The following CCDC177 variants were observed in gnomAD, a reference collection of about 807,000 sequenced individuals.
CCDC177 encodes coiled-coil domain containing 177.
A neutral mutation model predicts 7.3 loss-of-function variants in CCDC177; 2 were observed. The ratio of observed to expected loss-of-function variants is 0.28; its 90% CI spans 0.11 to 0.87. CCDC177 has a LOEUF of 0.87. CCDC177 is among the 40% of genes least tolerant of loss of function. CCDC177 has a pLI of 0.61. For missense variants in CCDC177, 874 were observed against 970.5 expected (o/e 0.90, Z 1.32); for synonymous variants, 401 against 449.2 (o/e 0.89, Z 1.36).
chr14:69,572,531 GC>G lies in CCDC177; in HGVS notation c.1091del (p.Gly364AlafsTer25). The G allele has an allele frequency of 8.1e-7, 1 of 1,231,060 alleles. No homozygotes were observed. Among genetic ancestry groups the G allele is most frequent in the Non-Finnish European group, 1.0e-6 (1 of 987,492 alleles). 76.3% of individuals were successfully genotyped at this position (1,231,060 alleles called of 1,614,324 possible). On this transcript the variant is annotated frameshift_variant, in exon 2 of 2. Coordinates refer to ENST00000599174, the MANE Select transcript of CCDC177 (RefSeq NM_001271507.2). LOFTEE classifies it low-confidence loss of function (END_TRUNC). Reference sequence around the variant, plus strand: ...CGTGCACGCGCTGCAGCTCCCACTGGCCGTGGGCAGCCGCGCGTTGCTCCAG... The same window carrying G: ...CGTGCACGCGCTGCAGCTCCCACTGGCGTGGGCAGCCGCGCGTTGCTCCAG... ...LLLEQRAAAH[G>X]QWELQRVHAK...
Position 69,572,263 on chromosome 14 carries a change from T to C in CCDC177, c.1360A>G (p.Lys454Glu). 1 of 1,229,024 alleles carries C rather than the reference T, an allele frequency of 8.1e-7. No homozygotes were observed. The highest frequency in any genetic ancestry group is 3.1e-4 in the Middle Eastern group (1 of 3,198). 76.1% of individuals were successfully genotyped at this position (1,229,024 alleles called of 1,614,324 possible). A position where few individuals can be genotyped will look rare whatever the true frequency, so the allele number is the denominator to read the frequency against. Reference sequence around the variant, plus strand: ...TTCAGGTTCTGCTCCTGCTGAAGCTTGCGCAGCCGATCCTCCCGGGCCGCG... The same window carrying C: ...TTCAGGTTCTGCTCCTGCTGAAGCTCGCGCAGCCGATCCTCCCGGGCCGCG... ...ERAAREDRLR[K>E]LQQEQNLKQR... is the part of the protein sequence containing the mutation. Residue 454 changes from lysine (K) to glutamate (E), a missense_variant, in exon 2 of 2, where the codon AAG becomes GAG. Transcript: ENST00000599174.
chr14:69,572,280 C>A lies in CCDC177; in HGVS notation c.1343G>T (p.Arg448Leu). The A allele has an allele frequency of 8.1e-7, 1 of 1,228,408 alleles. No individual in the cohort carries two copies. Among genetic ancestry groups the A allele is most frequent in the Admixed American group, 4.2e-5 (1 of 23,534 alleles). 76.1% of individuals were successfully genotyped at this position (1,228,408 alleles called of 1,614,324 possible). ...LRRERAERAA[R>L]EDRLRKLQQE... is the part of the protein sequence containing the mutation. ...CTGAAGCTTGCGCAGCCGATCCTCC[C>A]GGGCCGCGCGCTCCGCCCGCTCCCG... Residue 448 changes from arginine to leucine, a missense_variant, in exon 2 of 2, where the codon CGG (arginine) becomes CTG (leucine). Arg to Leu is a moderately radical substitution (Grantham distance 102). Transcript: ENST00000599174.
rs1884356289 is a variant in CCDC177 at position 69,572,718 on chromosome 14, C to G, written c.905G>C (p.Ser302Thr). The G allele has an allele frequency of 8.1e-7, 1 of 1,231,538 alleles. No individual in the cohort carries two copies. Among genetic ancestry groups the G allele is most frequent in the Non-Finnish European group, 1.0e-6 (1 of 987,816 alleles). 76.3% of individuals were successfully genotyped at this position (1,231,538 alleles called of 1,614,324 possible). Residue 302 changes from serine (S) to threonine (T), a missense_variant, in exon 2 of 2, where the codon AGC (serine) becomes ACC (threonine). Coordinates refer to ENST00000599174, the MANE Select transcript of CCDC177 (RefSeq NM_001271507.2). The stretch of plus-strand genomic sequence containing the variant: ...ATGGCTCAGGTCGCCGAGGCTGAAG[C>G]TGCGGCCGGTGATCGGAACCAGGGT... ...ALTLVPITGR[S>T]FSLGDLSHSP...
In CCDC177 at chr14:69,573,282, G is replaced by T; in HGVS notation, c.341C>A (p.Ala114Asp). 8.1e-7 allele frequency: 1 copy of T among 1,231,518 alleles called. No individual in the cohort carries two copies. Among genetic ancestry groups the T allele is most frequent in the South Asian group, 4.1e-5 (1 of 24,326 alleles). The allele number at this position is 1,231,518 out of a possible 1,614,324, so 76.3% of individuals were successfully genotyped here. A position where few individuals can be genotyped will look rare whatever the true frequency, so the allele number is the denominator to read the frequency against. ...AGCCTCTCGCACCAGGTCGGCCAGG[G>T]CCCGTGGCAGCAGCTCCACCGGCTT... ...AVKPVELLPR[A>D]LADLVREAPG... is the part of the protein sequence containing the mutation. Residue 114 changes from alanine (A) to aspartate (D), a missense_variant, in exon 2 of 2, where the codon GCC (alanine) becomes GAC (aspartate). Coordinates refer to ENST00000599174, the MANE Select transcript of CCDC177 (RefSeq NM_001271507.2).
Position 69,572,574 on chromosome 14 carries a change from T to C in CCDC177, c.1049A>G (p.Gln350Arg). ...KIAALMLARH[Q>R]EELLLLEQRA... ...TTGCTCCAGCAGCAGGAGCTCCTCC[T>C]GGTGCCGCGCCAGCATGAGCGCCGC... Residue 350 changes from glutamine (Q) to arginine (R), a missense_variant, in exon 2 of 2, where the codon CAG becomes CGG. Transcript: ENST00000599174. 2.4e-6 allele frequency: 3 copies of C among 1,231,154 alleles called. No homozygotes were observed. The highest frequency in any genetic ancestry group is 3.0e-6 in the Non-Finnish European group (3 of 987,540). 76.3% of individuals were successfully genotyped at this position (1,231,154 alleles called of 1,614,324 possible).
Position 69,571,436 on chromosome 14 carries a change from G to A in CCDC177, c.*63C>T. On this transcript the variant is annotated 3_prime_UTR_variant, in exon 2 of 2. Transcript: ENST00000599174. ...GCACCGAGCGGGGACTCCCACGATGGTCAGTGGTTGAGGGAGGCCCCAGGG... is the reference window on the plus strand; with the variant it reads ...GCACCGAGCGGGGACTCCCACGATGATCAGTGGTTGAGGGAGGCCCCAGGG... 8.6e-7 allele frequency: 1 copy of A among 1,156,112 alleles called. No individual in the cohort carries two copies. Among genetic ancestry groups the A allele is most frequent in the Non-Finnish European group, 1.1e-6 (1 of 906,292 alleles). The allele number at this position is 1,156,112 out of a possible 1,614,324, so 71.6% of individuals were successfully genotyped here. A position where few individuals can be genotyped will look rare whatever the true frequency, so the allele number is the denominator to read the frequency against.
chr14:69,572,321 G>A lies in CCDC177; in HGVS notation c.1302C>T (p.Arg434=). ...CCCGCTCCCGCCGCAGGAGGCCCTG[G>A]CGTTCGGCCAGCTCCCGCCGCCGCT... is the stretch of plus-strand genomic sequence containing the variant. ...SEERRRELAE[R]QGLLRRERAE... is the part of the protein sequence containing the mutation. The change falls in exon 2 of 2, where the codon CGC becomes CGT. Residue 434 remains arginine (R), a synonymous_variant. Transcript: ENST00000599174. 2.4e-6 allele frequency: 3 copies of A among 1,226,712 alleles called. No individual in the cohort carries two copies. The highest frequency in any genetic ancestry group is 3.0e-6 in the Non-Finnish European group (3 of 984,928). The allele number at this position is 1,226,712 out of a possible 1,614,324, so 76.0% of individuals were successfully genotyped here.
At position 69,572,203 on chromosome 14, in the gene CCDC177, G is replaced by A. The variant is rs991085103; in HGVS notation, c.1420C>T (p.Arg474Trp). The part of the protein sequence containing the change: ...REEGLQEGRE[R>W]AEQIRRERAQ... Reference sequence around the variant, plus strand: ...CGCTCCCTGCGGATCTGCTCAGCCCGCTCCCGCCCTTCCTGTAGACCTTCC... The same window carrying A: ...CGCTCCCTGCGGATCTGCTCAGCCCACTCCCGCCCTTCCTGTAGACCTTCC... Residue 474 changes from arginine to tryptophan, a missense_variant, in exon 2 of 2, where the codon CGG becomes TGG. Arg to Trp is a moderately radical substitution (Grantham distance 101). Coordinates refer to ENST00000599174, the MANE Select transcript of CCDC177 (RefSeq NM_001271507.2). The A allele has an allele frequency of 4.1e-6, 5 of 1,229,696 alleles. No individual in the cohort carries two copies. Among genetic ancestry groups the A allele is most frequent in the Non-Finnish European group, 5.1e-6 (5 of 986,766 alleles). The allele number at this position is 1,229,696 out of a possible 1,614,324, so 76.2% of individuals were successfully genotyped here. A position where few individuals can be genotyped will look rare whatever the true frequency, so the allele number is the denominator to read the frequency against.
rs1884302023 is a variant in CCDC177 at position 69,570,604 on chromosome 14, C to A, written c.*895G>T. ...GCAGGGCTGGAGATTTAGGCAGGAACAGCCTGGGCAGGCACGTAAGGTAGC... is the reference window on the plus strand; with the variant it reads ...GCAGGGCTGGAGATTTAGGCAGGAAAAGCCTGGGCAGGCACGTAAGGTAGC... On this transcript the variant is annotated 3_prime_UTR_variant, in exon 2 of 2. Coordinates refer to ENST00000599174, the MANE Select transcript of CCDC177 (RefSeq NM_001271507.2). The A allele has an allele frequency of 2.8e-6, 1 of 358,310 alleles. No homozygotes were observed. The allele number at this position is 358,310 out of a possible 1,614,324, so 22.2% of individuals were successfully genotyped here. A position where few individuals can be genotyped will look rare whatever the true frequency, so the allele number is the denominator to read the frequency against.
Position 69,573,365 on chromosome 14 carries a change from G to A in CCDC177, c.258C>T (p.Gly86=), listed in dbSNP as rs1884375392. ...LFNFDCPEAE[G]SRYVLTSPRS... ...GGGGGCTGGTCAGCACGTAGCGGCTGCCCTCCGCCTCTGGGCAGTCGAAGT... is the reference window on the plus strand; with the variant it reads ...GGGGGCTGGTCAGCACGTAGCGGCTACCCTCCGCCTCTGGGCAGTCGAAGT... The change falls in exon 2 of 2, where the codon GGC becomes GGT. Residue 86 remains glycine, a synonymous_variant. Transcript: ENST00000599174. The A allele has an allele frequency of 4.1e-6, 5 of 1,231,372 alleles. No homozygotes were observed. Among genetic ancestry groups the A allele is most frequent in the Non-Finnish European group, 5.1e-6 (5 of 987,712 alleles). 76.3% of individuals were successfully genotyped at this position (1,231,372 alleles called of 1,614,324 possible).
chr14:69,572,723 G>A lies in CCDC177; in HGVS notation c.900C>T (p.Gly300=), dbSNP rs548978631. 6.4e-5 allele frequency: 79 copies of A among 1,231,538 alleles called. 2 individuals are homozygous for A. In the East Asian group the frequency reaches 1.1e-3, roughly 18 times the overall value. 76.3% of individuals were successfully genotyped at this position (1,231,538 alleles called of 1,614,324 possible). ...PSALTLVPIT[G]RSFSLGDLSH... is the part of the protein sequence containing the mutation. ...TCAGGTCGCCGAGGCTGAAGCTGCG[G>A]CCGGTGATCGGAACCAGGGTCAGGG... Residue 300 remains glycine, a synonymous_variant, in exon 2 of 2, where the codon GGC becomes GGT. Coordinates refer to ENST00000599174, the MANE Select transcript of CCDC177 (RefSeq NM_001271507.2).
In CCDC177 at chr14:69,572,609, G is replaced by C; in HGVS notation, c.1014C>G (p.Asp338Glu). Residue 338 changes from aspartate (D) to glutamate (E), a missense_variant, in exon 2 of 2, where the codon GAC becomes GAG. By Grantham distance (45) the Asp-to-Glu change is conservative (BLOSUM62 2). Coordinates refer to ENST00000599174, the MANE Select transcript of CCDC177 (RefSeq NM_001271507.2). ...CCAGCATGAGCGCCGCGATCTTCCG[G>C]TCACGCTCCGGCACCCCGCGCAGGC... ...ERGLRGVPER[D>E]RKIAALMLAR... 1 of 1,231,264 alleles carries C rather than the reference G, an allele frequency of 8.1e-7. No homozygotes were observed. The highest frequency in any genetic ancestry group is 1.0e-6 in the Non-Finnish European group (1 of 987,608). 76.3% of individuals were successfully genotyped at this position (1,231,264 alleles called of 1,614,324 possible). A position where few individuals can be genotyped will look rare whatever the true frequency, so the allele number is the denominator to read the frequency against.
intron 1 of CCDC177, 80 bp from the exon 2 acceptor site, chr14:69,573,730 A>C: frequency 8.6e-7 from 1 of 1,166,664 alleles, no homozygotes; most frequent in Non-Finnish European, 1.1e-6. Context: ...CCCCATCCCA[A>C]CTTAATCCGC....
chr14:69,573,168 C>T lies in CCDC177; in HGVS notation c.455G>A (p.Arg152His). The T allele has an allele frequency of 1.6e-6, 2 of 1,230,264 alleles. No individual in the cohort carries two copies. Among genetic ancestry groups the T allele is most frequent in the Non-Finnish European group, 2.0e-6 (2 of 987,042 alleles). 76.2% of individuals were successfully genotyped at this position (1,230,264 alleles called of 1,614,324 possible). A position where few individuals can be genotyped will look rare whatever the true frequency, so the allele number is the denominator to read the frequency against. ...CTTCTCCTCGCGCATGATGCGCTCG[C>T]GCTCGGCCCGGCATTGCTGCAGCTT... ...RAKLQQCRAE[R>H]ERIMREEKRR... The change falls in exon 2 of 2, where the codon CGC (arginine) becomes CAC (histidine). Residue 152 changes from arginine (R) to histidine (H), a missense_variant. Transcript: ENST00000599174.
At position 69,571,630 on chromosome 14, in the gene CCDC177, G is replaced by A; in HGVS notation, c.1993C>T (p.Leu665=). The A allele has an allele frequency of 8.1e-7, 1 of 1,232,930 alleles. No homozygotes were observed. The highest frequency in any genetic ancestry group is 3.2e-5 in the East Asian group (1 of 31,704). 76.4% of individuals were successfully genotyped at this position (1,232,930 alleles called of 1,614,324 possible). The change falls in exon 2 of 2, where the codon CTG becomes TTG. Residue 665 remains leucine, a synonymous_variant. Transcript: ENST00000599174. ...EQLTRERRSA[L]ESARSTARAS... is the part of the protein sequence containing the mutation. ...CGGGCTGTGGAGCGGGCGCTCTCCA[G>A]CGCACTGCGCCGTTCCCGCGTCAGC...
Position 69,573,509 on chromosome 14 carries a change from T to C in CCDC177, c.114A>G (p.Ala38=). 1 of 1,231,502 alleles carries C rather than the reference T, an allele frequency of 8.1e-7. No individual in the cohort carries two copies. The highest frequency in any genetic ancestry group is 4.1e-5 in the South Asian group (1 of 24,322). The allele number at this position is 1,231,502 out of a possible 1,614,324, so 76.3% of individuals were successfully genotyped here. The part of the protein sequence containing the change: ...PPDSQGAQEP[A]ASSASASASA... The stretch of plus-strand genomic sequence containing the variant: ...AGGCCGAGGCCGAGGCCGAGGAAGC[T>C]GCGGGCTCCTGTGCGCCCTGGGAAT... The change falls in exon 2 of 2, where the codon GCA becomes GCG. Residue 38 remains alanine, a synonymous_variant. Coordinates refer to ENST00000599174, the MANE Select transcript of CCDC177 (RefSeq NM_001271507.2).
Position 69,572,726 on chromosome 14 carries a change from G to A in CCDC177, c.897C>T (p.Thr299=), listed in dbSNP as rs1409564143. ...RPSALTLVPI[T]GRSFSLGDLS... ...GGTCGCCGAGGCTGAAGCTGCGGCC[G>A]GTGATCGGAACCAGGGTCAGGGCAG... The change falls in exon 2 of 2, where the codon ACC becomes ACT. Residue 299 remains threonine, a synonymous_variant. Coordinates refer to ENST00000599174, the MANE Select transcript of CCDC177 (RefSeq NM_001271507.2). 7.3e-6 allele frequency: 9 copies of A among 1,231,422 alleles called. No homozygotes were observed. The highest frequency in any genetic ancestry group is 8.2e-5 in the South Asian group (2 of 24,330). 76.3% of individuals were successfully genotyped at this position (1,231,422 alleles called of 1,614,324 possible). A position where few individuals can be genotyped will look rare whatever the true frequency, so the allele number is the denominator to read the frequency against.
Position 69,571,517 on chromosome 14 carries a change from G to A in CCDC177, c.2106C>T (p.Ala702=). Residue 702 remains alanine (A), a synonymous_variant, in exon 2 of 2, where the codon GCC becomes GCT. Transcript: ENST00000599174. ...DRMVREAQLH[A]SLDRK is the part of the protein sequence containing the mutation. ...GCCGCAGTTATTTGCGGTCCAGGCTGGCGTGTAGCTGGGCCTCCCGCACCA... is the reference window on the plus strand; with the variant it reads ...GCCGCAGTTATTTGCGGTCCAGGCTAGCGTGTAGCTGGGCCTCCCGCACCA... 1.6e-6 allele frequency: 2 copies of A among 1,244,820 alleles called. No homozygotes were observed. The highest frequency in any genetic ancestry group is 2.0e-6 in the Non-Finnish European group (2 of 994,672). The allele number at this position is 1,244,820 out of a possible 1,614,324, so 77.1% of individuals were successfully genotyped here.
Position 69,571,531 on chromosome 14 carries a change from C to T in CCDC177, c.2092G>A (p.Ala698Thr), listed in dbSNP as rs1884323653. The change falls in exon 2 of 2, where the codon GCC becomes ACC. Residue 698 changes from alanine to threonine, a missense_variant. By Grantham distance (58) the Ala-to-Thr change is moderately conservative (BLOSUM62 0). Transcript: ENST00000599174. ...CGGTCCAGGCTGGCGTGTAGCTGGG[C>T]CTCCCGCACCATGCGGTCGAAGGAT... ...TRSFDRMVRE[A>T]QLHASLDRK 8.1e-7 allele frequency: 1 copy of T among 1,240,918 alleles called. No homozygotes were observed. The highest frequency in any genetic ancestry group is 1.0e-6 in the Non-Finnish European group (1 of 992,620). 76.9% of individuals were successfully genotyped at this position (1,240,918 alleles called of 1,614,324 possible).
Sources: gnomAD v4.1 joint callset for allele counts on GRCh38, gnomAD v4.1.1 for gene constraint, MANE v1.5 for transcripts, NCBI Gene and HGNC (gene_info 2026-07-23, HGNC 2026-07-21) for gene names.